The following FNIP2 variants were observed in gnomAD, a reference collection of about 807,000 sequenced individuals.
FNIP2 encodes the protein folliculin-interacting protein 2.
Under a neutral mutation model 108.7 loss-of-function variants are expected in FNIP2, and 32 were observed. That is an observed-to-expected ratio of 0.29 (90% CI 0.22 to 0.40). The LOEUF is 0.40. FNIP2 is among the 10% of genes least tolerant of loss of function. The probability of loss-of-function intolerance (pLI) is 1.00; values close to 1 mark genes in which losing one functional copy is unlikely to be tolerated. For synonymous variants in FNIP2, 480 were observed against 496.7 expected, an observed-to-expected ratio of 0.97 and a Z score of 0.45; for missense variants, 1,202 against 1,381.6, an observed-to-expected ratio of 0.87 and a Z score of 2.06.
chr4:158,835,362 C>T, intron 6 of FNIP2, 43 bp from the exon 7 acceptor site: 1 of 1,575,450 alleles, frequency 6.3e-7, no homozygotes, highest in Non-Finnish European at 8.7e-7. Flanking sequence ...AACTTTATCT[C>T]TGAAGAGCCC....
chr4:158,853,741 A>C (rs924148104), intron 8 of FNIP2, among the ~76,000 whole-genome samples: 1 of 152,238 alleles, frequency 6.6e-6, no homozygotes, highest in East Asian at 1.9e-4. Context: ...CTTGTTAAAC[A>C]GTTTTTTAAA....
At chr4:158,853,548 G>A (rs532875426) in intron 8 of FNIP2, among the ~76,000 whole-genome samples, 28 of 152,016 alleles carry the variant, frequency 1.8e-4, no homozygotes, top group Non-Finnish European at 3.4e-4. Context: ...CACGACAGGC[G>A]CCGGTGTGTG....
At chr4:158,773,640 C>A (rs143992414) in intron 1 of FNIP2, among the ~76,000 whole-genome samples, 1 of 152,068 alleles carries the variant, frequency 6.6e-6, no homozygotes, top group Non-Finnish European at 1.5e-5. Flanking sequence ...TGAGGCTTTA[C>A]GAAAATGGAA....
intron 1 of FNIP2, among the ~76,000 whole-genome samples, chr4:158,825,341 A>G (rs1207524902): frequency 6.6e-6 from 1 of 152,192 alleles, no homozygotes; most frequent in Non-Finnish European, 1.5e-5. Context: ...ATTGCTAGCA[A>G]TTCCAGTGCT....
At chr4:158,883,137 A>C (rs1462142785) in intron 14 of FNIP2, among the ~76,000 whole-genome samples, 1 of 152,216 alleles carries the variant, frequency 6.6e-6, no homozygotes, top group Non-Finnish European at 1.5e-5. Flanking sequence ...CCAAAGAATC[A>C]TGTGTTTTAT....
At chr4:158,864,326 G>A (rs1175650751) in intron 12 of FNIP2, among the ~76,000 whole-genome samples, 1 of 152,134 alleles carries the variant, frequency 6.6e-6, no homozygotes, top group Admixed American at 6.5e-5. Flanking sequence ...ACCATACCCA[G>A]CTGACAACCA....
At chr4:158,876,821 G>T (rs552394954) in intron 14 of FNIP2, among the ~76,000 whole-genome samples, 1 of 152,308 alleles carries the variant, frequency 6.6e-6, no homozygotes, top group East Asian at 1.9e-4. Flanking sequence ...GATGGGAGAT[G>T]ATCTTTCTTT....
At chr4:158,889,731 G>T in intron 14 of FNIP2, 1 of 751,558 alleles carries the variant, frequency 1.3e-6, no homozygotes, top group Non-Finnish European at 1.6e-6. Flanking sequence ...CCAGCATGTT[G>T]TGGATTTCTG....
intron 16 of FNIP2, among the ~76,000 whole-genome samples, chr4:158,900,721 G>A (rs1012257359): frequency 6.6e-6 from 1 of 152,108 alleles, no homozygotes; most frequent in Non-Finnish European, 1.5e-5. Context: ...TTGAGTCTGT[G>A]TATGTGTTTG....
Position 158,813,764 on chromosome 4 carries a change from G to A in FNIP2, c.108-12152G>A, listed in dbSNP as rs372367206. 6.0e-4 allele frequency among the ~76,000 whole-genome samples: 91 copies of A among 152,268 alleles called. 2 individuals carry two copies. The South Asian group carries it at 0.018, about 31-fold the overall frequency. ...AGAATCCTTCGCCATGCTCAAGGCT[G>A]TCTGTATTTTCTCCTGTGTTGTCTT... On this transcript the variant is annotated intron_variant, in intron 1 of 16. Coordinates refer to ENST00000264433, the MANE Select transcript of FNIP2 (RefSeq NM_020840.3).
chr4:158,783,956 G>A (rs2126431297), intron 1 of FNIP2, among the ~76,000 whole-genome samples: 1 of 152,348 alleles, frequency 6.6e-6, no homozygotes. Context: ...AGCTGGACAG[G>A]ATGTGGAAGT....
intron 14 of FNIP2, among the ~76,000 whole-genome samples, chr4:158,882,360 G>T (rs1313221696): frequency 6.6e-6 from 1 of 150,586 alleles, no homozygotes; most frequent in African/African-American, 2.4e-5. Flanking sequence ...CCGGCCAGCC[G>T]CCCCGTCCGG....
chr4:158,887,169 A>T (rs1008898197), intron 14 of FNIP2, among the ~76,000 whole-genome samples: 1 of 152,166 alleles, frequency 6.6e-6, no homozygotes, highest in African/African-American at 2.4e-5. Flanking sequence ...TAGGCTTTTC[A>T]TAGGTGTTTA....
intron 12 of FNIP2, among the ~76,000 whole-genome samples, chr4:158,862,056 C>T (rs1197005682): frequency 6.6e-6 from 1 of 152,196 alleles, no homozygotes; most frequent in Non-Finnish European, 1.5e-5. Flanking sequence ...GATTTCTTAA[C>T]CTCAGCACTG....
At chr4:158,837,051 C>T (rs1778853121) in intron 7 of FNIP2, among the ~76,000 whole-genome samples, 1 of 152,146 alleles carries the variant, frequency 6.6e-6, no homozygotes, top group Non-Finnish European at 1.5e-5. Context: ...GTTTACAGAG[C>T]TTAGTGTCCC....
At chr4:158,779,737 C>CTTT (rs34598926) in intron 1 of FNIP2, among the ~76,000 whole-genome samples, 3 of 133,360 alleles carry the variant, frequency 2.2e-5, no homozygotes, top group Admixed American at 7.6e-5. Flanking sequence ...CCATACCCAC[C>CTTT]TTTTTTTTTT....
chr4:158,781,656 A>C (rs1170213017), intron 1 of FNIP2, among the ~76,000 whole-genome samples: 1 of 152,110 alleles, frequency 6.6e-6, no homozygotes, highest in Non-Finnish European at 1.5e-5. Context: ...CTGGGACTAC[A>C]GGCGCATGCC....
rs988969158 is a variant in FNIP2, at chr4:158,857,409, C to T, written c.858-1648C>T. ...ACATTGTATGAAATTGTGTGAAGTT[C>T]TAAGGAAACCTCAAGAATTTTCTCT... On this transcript the variant is annotated intron_variant, in intron 8 of 16. Coordinates refer to ENST00000264433, the MANE Select transcript of FNIP2 (RefSeq NM_020840.3). Among the ~76,000 whole-genome samples, 3 of 152,166 alleles carry T rather than the reference C, an allele frequency of 2.0e-5. No individual in the cohort carries two copies. In the South Asian group the frequency reaches 6.2e-4, roughly 32 times the overall value.
chr4:158,878,014 A>C (rs891590446), intron 14 of FNIP2, among the ~76,000 whole-genome samples: 5 of 151,782 alleles, frequency 3.3e-5, no homozygotes, highest in Non-Finnish European at 7.4e-5. Flanking sequence ...AACATGTACT[A>C]AACTGGTGTG....
Sources: gnomAD v4.1 joint callset for allele counts (sites outside exome capture counted in the v4.1 genomes callset) on GRCh38, gnomAD v4.1.1 for gene constraint, MANE v1.5 for transcripts, NCBI Gene and HGNC (gene_info 2026-07-23, HGNC 2026-07-21) for gene names.